The following TP53I13 variants were observed in gnomAD, a reference collection of about 807,000 sequenced individuals.
The protein encoded by TP53I13 is tumor protein p53-inducible protein 13.
In TP53I13, 27 loss-of-function variants were observed where a neutral mutation model predicts 39.1. The observed-to-expected ratio is 0.69, with a 90% CI of 0.51 to 0.95. The LOEUF is 0.95. Ranked by LOEUF, TP53I13 falls within the 40% of genes least tolerant of loss-of-function variation. The pLI is 0.00. For synonymous variants in TP53I13, 230 were observed against 224.6 expected (o/e 1.02, Z -0.22); for missense variants, 544 against 520.4 (o/e 1.05, Z -0.44).
chr17:29,568,744 C>A lies in TP53I13; in HGVS notation c.-15C>A. 1 of 1,558,468 alleles carries A rather than the reference C, an allele frequency of 6.4e-7. No individual in the cohort carries two copies. Among genetic ancestry groups the A allele is most frequent in the Non-Finnish European group, 8.6e-7 (1 of 1,162,222 alleles). ...GGAGCGGCTGGGCGGCGGGCCGGGC[C>A]CGGGGCCGCTTGGAATGGCGCCTCC... On this transcript the variant is annotated 5_prime_UTR_variant, in exon 1 of 7. Transcript: ENST00000301057. The surrounding 1 kb of genome is among the most constrained non-coding windows in gnomAD (Gnocchi z 4.5).
At chr17:29,578,109 C>T (rs2033276284), downstream of TP53I13, among the ~76,000 whole-genome samples, 1 of 152,182 alleles carries the variant, frequency 6.6e-6, no homozygotes, top group Non-Finnish European at 1.5e-5. Context: ...AGCACGCTAG[C>T]CGCCTCCCCC....
the TP53I13 span, among the ~76,000 whole-genome samples, chr17:29,580,147 C>T: frequency 6.6e-6 from 1 of 152,224 alleles, no homozygotes; most frequent in Non-Finnish European, 1.5e-5. Flanking sequence ...TTGTGAGCTC[C>T]TTAAGGGCAG....
upstream of TP53I13, chr17:29,566,772 T>C: frequency 6.6e-7 from 1 of 1,521,750 alleles, no homozygotes; most frequent in Non-Finnish European, 8.8e-7. Context: ...CTCCCGGCAG[T>C]GGCTCGCGCC....
downstream of TP53I13, chr17:29,575,175 G>C (rs1447499301): frequency 1.3e-6 from 2 of 1,571,584 alleles, no homozygotes; most frequent in East Asian, 2.3e-5. This position sits in a 1 kb window ranked among gnomAD's most constrained non-coding sequence, Gnocchi z 5.5. Context: ...AAAGCAGGGG[G>C]CTCTCAAGGG....
chr17:29,580,008 A>G, the TP53I13 span, among the ~76,000 whole-genome samples: 46 of 152,154 alleles, frequency 3.0e-4, no homozygotes, highest in Non-Finnish European at 5.4e-4. Context: ...CCTGCCTCCC[A>G]TGCTGTGCTC....
chr17:29,572,649 G>A lies in TP53I13; in HGVS notation c.1021G>A (p.Glu341Lys). The change falls in exon 6 of 7, where the codon GAG becomes AAG. Residue 341 changes from glutamate to lysine, a missense_variant. By Grantham distance (56) the Glu-to-Lys change is moderately conservative (BLOSUM62 1). Transcript: ENST00000301057. ...GCTGCACAGAAACTTCCGACGCGGGGAGAGCATCTACTGGGGGCCCACAGC... is the reference window on the plus strand; with the variant it reads ...GCTGCACAGAAACTTCCGACGCGGGAAGAGCATCTACTGGGGGCCCACAGC... ...TRLHRNFRRG[E>K]SIYWGPTADS... The A allele has an allele frequency of 1.3e-6, 2 of 1,584,198 alleles. No homozygotes were observed. Among genetic ancestry groups the A allele is most frequent in the East Asian group, 4.6e-5 (2 of 43,056 alleles).
intron 3 of TP53I13, 146 bp downstream of exon 3, chr17:29,569,505 C>A: frequency 1.4e-6 from 1 of 734,230 alleles, no homozygotes; most frequent in Admixed American, 2.5e-5. Context: ...TCTGCCCCAC[C>A]TCCAAGCCCA....
chr17:29,566,836 C>A (rs778218601), upstream of TP53I13: 8 of 1,516,204 alleles, frequency 5.3e-6, no homozygotes, highest in South Asian at 2.4e-5. Flanking sequence ...CCCGTCGTCT[C>A]GGTCTTGGGC....
the TP53I13 span, chr17:29,581,294 G>A: frequency 1.3e-6 from 2 of 1,506,792 alleles, no homozygotes; most frequent in Admixed American, 3.3e-5. This position sits in a 1 kb window ranked among gnomAD's most constrained non-coding sequence, Gnocchi z 4.8. Flanking sequence ...CCACCCACAT[G>A]GCATCCAACA....
chr17:29,578,162 C>G, the TP53I13 span: 2 of 739,352 alleles, frequency 2.7e-6, no homozygotes, highest in South Asian at 3.1e-5. Context: ...GGCAGGCTCA[C>G]AGCCAGCAGG....
In TP53I13 at chr17:29,571,779, A is replaced by G. The variant is rs1448432548; in HGVS notation, c.312+60A>G. On this transcript the variant is annotated intron_variant, in intron 4 of 6. Coordinates refer to ENST00000301057, the MANE Select transcript of TP53I13 (RefSeq NM_138349.4). ...GGCAGAAGGCTATGGCCCCGTGTGC[A>G]GGGAATGGAAAATTCAAGGGTTTCC... 1.1e-5 allele frequency: 17 copies of G among 1,613,440 alleles called. No individual in the cohort carries two copies. In the East Asian group the frequency reaches 3.3e-4, roughly 32 times the overall value.
chr17:29,574,152 G>GTGTT (rs1327497422), downstream of TP53I13: 5 of 152,466 alleles, frequency 3.3e-5, no homozygotes, highest in African/African-American at 9.6e-5. Context: ...AGACTTTCCA[G>GTGTT]TGTTTGCTGC....
chr17:29,581,133 A>C, the TP53I13 span: 2 of 598,306 alleles, frequency 3.3e-6, no homozygotes, highest in South Asian at 3.9e-5. This position sits in a 1 kb window ranked among gnomAD's most constrained non-coding sequence, Gnocchi z 4.8. Context: ...CACGGGGCTC[A>C]GGCTATGCGG....
At position 29,568,936 on chromosome 17, in the gene TP53I13, C is replaced by A; in HGVS notation, c.73-82C>A. 1 of 1,595,452 alleles carries A rather than the reference C, an allele frequency of 6.3e-7. No homozygotes were observed. The highest frequency in any genetic ancestry group is 8.5e-7 in the Non-Finnish European group (1 of 1,173,094). On this transcript the variant is annotated intron_variant, in intron 1 of 6. Transcript: ENST00000301057. The surrounding 1 kb of genome is among the most constrained non-coding windows in gnomAD (Gnocchi z 4.5). ...GCGCCGAGGGGGACGCGGAGTTCTTCCGCTGGCGGGCTGGGCCTGGGGAGA... is the reference window on the plus strand; with the variant it reads ...GCGCCGAGGGGGACGCGGAGTTCTTACGCTGGCGGGCTGGGCCTGGGGAGA...
At chr17:29,581,832 C>T in the TP53I13 span, 1 of 1,612,730 alleles carries the variant, frequency 6.2e-7, no homozygotes, top group Non-Finnish European at 8.5e-7. The surrounding 1 kb of genome is among the most constrained non-coding windows in gnomAD (Gnocchi z 4.8). Context: ...TGGTGCCCCG[C>T]CTGCCTGTGA....
the TP53I13 span, chr17:29,578,634 A>G: frequency 8.8e-7 from 1 of 1,130,074 alleles, no homozygotes; most frequent in Non-Finnish European, 1.4e-6. Context: ...GACTTGGAAA[A>G]GGTCATCGAG....
In TP53I13 at chr17:29,573,122, CA is replaced by C; in HGVS notation, c.*202del. 2.3e-6 allele frequency: 1 copy of C among 435,950 alleles called. No homozygotes were observed. The highest frequency in any genetic ancestry group is 4.0e-6 in the Non-Finnish European group (1 of 250,396). 27.0% of individuals were successfully genotyped at this position (435,950 alleles called of 1,614,324 possible). On this transcript the variant is annotated 3_prime_UTR_variant, in exon 7 of 7. Coordinates refer to ENST00000301057, the MANE Select transcript of TP53I13 (RefSeq NM_138349.4). ...AAGGAGCCGCTTCTGCCTCCCTTGC[CA>C]AAACTCCGTTTCTAATTAAATTATT...
At chr17:29,576,151 G>A (rs755855079), downstream of TP53I13, 10 of 1,613,122 alleles carry the variant, frequency 6.2e-6, no homozygotes, top group Middle Eastern at 1.6e-4. Flanking sequence ...TTAGCACAGC[G>A]AGCGTCATGG....
chr17:29,580,776 C>CTT, the TP53I13 span, among the ~76,000 whole-genome samples: 2 of 142,584 alleles, frequency 1.4e-5, no homozygotes, highest in Non-Finnish European at 3.1e-5. Flanking sequence ...GTTTCTTTTT[C>CTT]TTTTTTTTTT....
Sources: allele counts gnomAD v4.1 joint callset (sites outside exome capture counted in the v4.1 genomes callset), GRCh38; gene constraint gnomAD v4.1.1; non-coding constraint Gnocchi (gnomAD v3.1); transcripts MANE v1.5; gene names NCBI Gene and HGNC (gene_info 2026-07-23, HGNC 2026-07-21).